MYO3B: variants seen among roughly 807,000 people sequenced by gnomAD.
MYO3B encodes the protein myosin IIIB, also known as myosin-IIIb.
In MYO3B, 156 loss-of-function variants were observed where a neutral mutation model predicts 174.6. The ratio of observed to expected loss-of-function variants is 0.89; its 90% CI spans 0.78 to 1.02. The LOEUF is 1.02. Ranked by LOEUF, MYO3B falls within the 50% of genes least tolerant of loss-of-function variation. The pLI, the probability that MYO3B is intolerant of heterozygous loss-of-function variation, is 0.00. For synonymous variants in MYO3B, 563 were observed against 569.1 expected, an observed-to-expected ratio of 0.99 and a Z score of 0.15; for missense variants, 1,632 against 1,639.4, an observed-to-expected ratio of 1.00 and a Z score of 0.08.
intron 31 of MYO3B, among the ~76,000 whole-genome samples, chr2:170,543,654 G>A (rs186434760): frequency 2.3e-4 from 35 of 152,248 alleles, no homozygotes; most frequent in Admixed American, 7.8e-4. Flanking sequence ...AGGTTGACTC[G>A]TTCTGAGGAA....
At chr2:170,608,910 C>T (rs1439413638) in intron 32 of MYO3B, among the ~76,000 whole-genome samples, 1 of 152,164 alleles carries the variant, frequency 6.6e-6, no homozygotes, top group Non-Finnish European at 1.5e-5. Flanking sequence ...TACATAGGCC[C>T]AATCGATATA....
At position 170,280,104 on chromosome 2, in the gene MYO3B, T is replaced by C. The variant is rs528752664; in HGVS notation, c.749+43968T>C. Among the ~76,000 whole-genome samples the C allele has an allele frequency of 7.2e-4, 110 of 152,328 alleles. 1 individual carries two copies. The highest frequency in any genetic ancestry group is 2.5e-3 in the African/African-American group (102 of 41,594). On this transcript the variant is annotated intron_variant, in intron 7 of 34. Transcript: ENST00000408978. ...CCAACAGTGTATAAGTGTTTTGTTT[T>C]CTCCACAACCTTGCCAGCATCTGTT...
intron 32 of MYO3B, among the ~76,000 whole-genome samples, chr2:170,546,647 GA>G (rs1310462458): frequency 6.6e-6 from 1 of 152,168 alleles, no homozygotes; most frequent in African/African-American, 2.4e-5. Flanking sequence ...CAAAGATGAA[GA>G]ACAAATTAGT....
chr2:170,367,555 A>C (rs1393407502), intron 8 of MYO3B, among the ~76,000 whole-genome samples: 3 of 152,128 alleles, frequency 2.0e-5, no homozygotes, highest in Admixed American at 2.0e-4. Context: ...GTTTTTATAC[A>C]CTATTCCTAA....
intron 7 of MYO3B, among the ~76,000 whole-genome samples, chr2:170,297,961 C>G (rs938916383): frequency 6.6e-6 from 1 of 151,916 alleles, no homozygotes; most frequent in African/African-American, 2.4e-5. Context: ...AATGATTAGG[C>G]TAGGAAATAA....
chr2:170,218,879 G>A (rs1274178935), intron 6 of MYO3B, among the ~76,000 whole-genome samples: 1 of 152,154 alleles, frequency 6.6e-6, no homozygotes, highest in Non-Finnish European at 1.5e-5. Flanking sequence ...ACTTTGAGAA[G>A]CACTGCAGGA....
chr2:170,566,791 A>G (rs1383935054), intron 32 of MYO3B, among the ~76,000 whole-genome samples: 5 of 152,170 alleles, frequency 3.3e-5, no homozygotes, highest in South Asian at 4.1e-4. Flanking sequence ...CTGGAGTTCA[A>G]ACGGTTCTGA....
intron 23 of MYO3B, among the ~76,000 whole-genome samples, chr2:170,454,087 A>C (rs1209302945): frequency 1.3e-5 from 2 of 152,212 alleles, no homozygotes; most frequent in East Asian, 1.9e-4. Context: ...CACACAACAA[A>C]GACAAGATGG....
intron 32 of MYO3B, among the ~76,000 whole-genome samples, chr2:170,585,766 C>T (rs1260927392): frequency 6.6e-6 from 1 of 152,122 alleles, no homozygotes; most frequent in East Asian, 1.9e-4. Context: ...AGAAATCACA[C>T]AGTGGCCAGG....
In MYO3B at chr2:170,501,439, A is replaced by G. The variant is rs755901475; in HGVS notation, c.3290-346A>G. ...CCTGCCAAACCCTTCCACCTGTATC[A>G]TATCCCCGAGTCTTGAAGACAGGGC... On this transcript the variant is annotated intron_variant, in intron 27 of 34. Transcript: ENST00000408978. 5.8e-4 allele frequency among the ~76,000 whole-genome samples: 88 copies of G among 152,294 alleles called. 1 individual carries two copies. The highest frequency in any genetic ancestry group is 1.0e-3 in the Non-Finnish European group (69 of 68,026).
intron 6 of MYO3B, among the ~76,000 whole-genome samples, chr2:170,226,447 G>A (rs1270088751): frequency 1.3e-5 from 2 of 152,168 alleles, no homozygotes; most frequent in Non-Finnish European, 2.9e-5. Context: ...TGTCTTCTAA[G>A]GCCCTGAGGC....
chr2:170,570,935 G>A (rs900944950), intron 32 of MYO3B, among the ~76,000 whole-genome samples: 3 of 152,132 alleles, frequency 2.0e-5, no homozygotes, highest in Non-Finnish European at 4.4e-5. Context: ...CAATCTCTGT[G>A]AAACGAATGA....
Position 170,259,045 on chromosome 2 carries a change from G to A in MYO3B, c.749+22909G>A, listed in dbSNP as rs13386675. 7.2e-3 allele frequency among the ~76,000 whole-genome samples: 1,100 copies of A among 152,176 alleles called. 14 individuals are homozygous for A. Among genetic ancestry groups the A allele is most frequent in the African/African-American group, 0.025 (1,048 of 41,542 alleles). On this transcript the variant is annotated intron_variant, in intron 7 of 34. Transcript: ENST00000408978. ...CGAGGATAACTAAAAATGAAACACT[G>A]CTGAAAGAAATCATAGATGACACAA...
At chr2:170,482,303 C>T (rs545332025) in intron 25 of MYO3B, among the ~76,000 whole-genome samples, 1 of 152,212 alleles carries the variant, frequency 6.6e-6, no homozygotes, top group South Asian at 2.1e-4. Context: ...TACAGGTGCG[C>T]ACCACCATGC....
intron 32 of MYO3B, among the ~76,000 whole-genome samples, chr2:170,553,802 C>A (rs778541139): frequency 5.1e-4 from 77 of 152,094 alleles, no homozygotes; most frequent in Non-Finnish European, 8.5e-4. Flanking sequence ...GGGAGAGAGA[C>A]CTGGTGGGAG....
chr2:170,267,373 A>G (rs1236762503), intron 7 of MYO3B, among the ~76,000 whole-genome samples: 1 of 152,226 alleles, frequency 6.6e-6, no homozygotes, highest in Non-Finnish European at 1.5e-5. Flanking sequence ...ACTTAGTCAC[A>G]TGGTCATACC....
intron 25 of MYO3B, among the ~76,000 whole-genome samples, chr2:170,489,109 A>T (rs1321985122): frequency 6.6e-6 from 1 of 152,260 alleles, no homozygotes; most frequent in Non-Finnish European, 1.5e-5. Context: ...TGATAAGTGT[A>T]AAGAAGCCTG....
At chr2:170,610,013 A>T (rs1695037453) in intron 32 of MYO3B, among the ~76,000 whole-genome samples, 1 of 152,236 alleles carries the variant, frequency 6.6e-6, no homozygotes, top group Non-Finnish European at 1.5e-5. Flanking sequence ...GATGTTAGAC[A>T]GGTCAAACAA....
chr2:170,437,369 C>T (rs2094762061), intron 22 of MYO3B, among the ~76,000 whole-genome samples: 1 of 151,992 alleles, frequency 6.6e-6, no homozygotes, highest in South Asian at 2.1e-4. Flanking sequence ...CACTCTTAGC[C>T]CCCACCCCCT....
Sources: gnomAD v4.1 joint callset for allele counts (sites outside exome capture counted in the v4.1 genomes callset) on GRCh38, gnomAD v4.1.1 for gene constraint, MANE v1.5 for transcripts, NCBI Gene and HGNC (gene_info 2026-07-23, HGNC 2026-07-21) for gene names.